Variants in PKP2 observed in about 807,000 individuals in gnomAD.
PKP2 encodes plakophilin 2, also known as plakophilin-2.
A neutral mutation model predicts 83.4 loss-of-function variants in PKP2; 73 were observed. That is an observed-to-expected ratio of 0.88 (90% CI 0.72 to 1.06). PKP2 has a LOEUF of 1.06. PKP2 is among the 50% of genes least tolerant of loss of function. PKP2 has a pLI of 0.00. For synonymous variants in PKP2, 409 were observed against 430.4 expected, an observed-to-expected ratio of 0.95 and a Z score of 0.62; for missense variants, 966 against 1,065.4, an observed-to-expected ratio of 0.91 and a Z score of 1.30.
chr12:32,865,427 T>C (rs1476335011), intron 4 of PKP2, among the ~76,000 whole-genome samples: 1 of 147,066 alleles, frequency 6.8e-6, no homozygotes, highest in Non-Finnish European at 1.5e-5. Flanking sequence ...ATGCCTGTAA[T>C]CCCAGCACTT....
Position 32,852,415 on chromosome 12 carries a change from G to A in PKP2, c.1171-1442C>T, listed in dbSNP as rs185185817. ...CCAATATTACATATTCCTTTGACAG[G>A]ATTGGAGAAAAGACTAGAAAGGCGG... On this transcript the variant is annotated intron_variant, in intron 4 of 12. Coordinates refer to ENST00000340811, the MANE Select transcript of PKP2 (RefSeq NM_001005242.3). 1.2e-3 allele frequency among the ~76,000 whole-genome samples: 185 copies of A among 152,204 alleles called. No homozygotes were observed. In the Middle Eastern group the frequency reaches 0.027, roughly 22 times the overall value.
chr12:32,878,072 G>A lies in PKP2; in HGVS notation c.808C>T (p.Gln270Ter), dbSNP rs752060568. The stretch of plus-strand genomic sequence containing the variant: ...TGCAGGGGCACCAGCGGCCTGACCT[G>A]CCCGACAGTGAGCCCTGCCGTCAGG... ...NYLTAGLTVG[Q>*]VRPLVPLQPV... The change falls in exon 3 of 13, where the codon CAG becomes TAG. Residue 270 changes from glutamine to a stop codon, truncating the protein, a stop_gained. Transcript: ENST00000340811. LOFTEE classifies it high-confidence loss of function. 1.2e-6 allele frequency: 2 copies of A among 1,613,916 alleles called. No homozygotes were observed. The highest frequency in any genetic ancestry group is 3.3e-5 in the Admixed American group (2 of 60,008).
chr12:32,818,907 T>C (rs1956345579), intron 9 of PKP2, among the ~76,000 whole-genome samples: 1 of 152,142 alleles, frequency 6.6e-6, no homozygotes, highest in Non-Finnish European at 1.5e-5. Context: ...TCACAGCATC[T>C]AAGCATACAA....
chr12:32,823,750 G>A (rs1331480479), intron 7 of PKP2, among the ~76,000 whole-genome samples: 1 of 151,794 alleles, frequency 6.6e-6, no homozygotes, highest in Non-Finnish European at 1.5e-5. Context: ...ACAGGTGCCC[G>A]CCACCACGCC....
chr12:32,865,681 C>CAAAAA (rs765071380), intron 4 of PKP2, among the ~76,000 whole-genome samples: 3 of 103,658 alleles, frequency 2.9e-5, no homozygotes, highest in East Asian at 3.1e-4. Flanking sequence ...GACTCCGTCT[C>CAAAAA]AAAAAAAAAA....
rs145987696 is a variant in PKP2, at chr12:32,862,835, C to G, written c.1170+6092G>C. On this transcript the variant is annotated intron_variant, in intron 4 of 12. Coordinates refer to ENST00000340811, the MANE Select transcript of PKP2 (RefSeq NM_001005242.3). ...CCAACATGGCAAAACCCTACCTCTA[C>G]TAAAAATACAAAAATTAGCCGGGCA... Among the ~76,000 whole-genome samples the G allele has an allele frequency of 7.4e-4, 112 of 151,420 alleles. 2 individuals carry two copies. In the East Asian group the frequency reaches 0.011, roughly 15 times the overall value.
At chr12:32,872,493 C>G (rs1309055828) in intron 3 of PKP2, among the ~76,000 whole-genome samples, 3 of 152,108 alleles carry the variant, frequency 2.0e-5, no homozygotes, top group Non-Finnish European at 2.9e-5. Context: ...GAGATCGTGC[C>G]ATTGCACTCC....
rs1460611248 is a variant in PKP2, at chr12:32,832,268, C to T, written c.1557-8106G>A. Among the ~76,000 whole-genome samples the T allele has an allele frequency of 3.9e-5, 6 of 152,054 alleles. No individual in the cohort carries two copies. In the East Asian group the frequency reaches 1.2e-3, roughly 29 times the overall value. ...TGGTGCGCACCTGTAGTCCCAGCTA[C>T]TCAGGAGGCTGAGGCAGGAGAATTA... On this transcript the variant is annotated intron_variant, in intron 6 of 12. Transcript: ENST00000340811.
At chr12:32,799,164 G>A (rs1956157068) in intron 10 of PKP2, among the ~76,000 whole-genome samples, 1 of 151,962 alleles carries the variant, frequency 6.6e-6, no homozygotes, top group Non-Finnish European at 1.5e-5. Context: ...TTTTTGATAC[G>A]CCTCATACAT....
At chr12:32,802,991 ACTAGT>A (rs1367771320) in intron 9 of PKP2, among the ~76,000 whole-genome samples, 1 of 152,154 alleles carries the variant, frequency 6.6e-6, no homozygotes, top group Non-Finnish European at 1.5e-5. Flanking sequence ...CTGTGATGGA[ACTAGT>A]CTAAAGGTAT....
At chr12:32,890,528 T>G (rs1377700105) in intron 1 of PKP2, among the ~76,000 whole-genome samples, 1 of 152,256 alleles carries the variant, frequency 6.6e-6, no homozygotes, top group Non-Finnish European at 1.5e-5. Flanking sequence ...TTTCAAATGC[T>G]TAAGTTTCTT....
In PKP2 at chr12:32,896,409, G is replaced by T. The variant is rs1343565171; in HGVS notation, c.223+100C>A. 8 of 886,892 alleles carry T rather than the reference G, an allele frequency of 9.0e-6. 1 individual carries two copies. In the East Asian group the frequency reaches 2.1e-4, roughly 23 times the overall value. The allele number at this position is 886,892 out of a possible 1,614,324, so 54.9% of individuals were successfully genotyped here. ...GGCGAGCAACAGGTGGGCAGAACAC[G>T]GGGTCCCGCACTCCCAGCACGCGGG... On this transcript the variant is annotated intron_variant, in intron 1 of 12. Transcript: ENST00000340811.
chr12:32,896,648 G>A lies in PKP2; in HGVS notation c.84C>T (p.Ser28=). 6.4e-7 allele frequency: 1 copy of A among 1,570,138 alleles called. No individual in the cohort carries two copies. The highest frequency in any genetic ancestry group is 8.6e-7 in the Non-Finnish European group (1 of 1,167,374). ...TGGCCTCGGAGGGCAGCGCCAGGCT[G>A]GAGCTGTCCAGTTGTCCCAGGATCT... The part of the protein sequence containing the change: ...GQQILGQLDS[S]SLALPSEAKL... The change falls in exon 1 of 13, where the codon TCC becomes TCT. Residue 28 remains serine (S), a synonymous_variant. Transcript: ENST00000340811.
In PKP2 at chr12:32,896,596, G is replaced by T. The variant is rs764116301; in HGVS notation, c.136C>A (p.Arg46Ser). 6.3e-7 allele frequency: 1 copy of T among 1,586,434 alleles called. No homozygotes were observed. The highest frequency in any genetic ancestry group is 2.3e-5 in the East Asian group (1 of 43,992). The stretch of plus-strand genomic sequence containing the variant: ...AGGCTCTTGACTGTCTGGCCGCCGC[G>T]GCCGCTGCTCCCCGCCAGCTTCAGC... ...AKLKLAGSSG[R>S]GGQTVKSLRI... Residue 46 changes from arginine (R) to serine (S), a missense_variant, in exon 1 of 13, where the codon CGC becomes AGC. Coordinates refer to ENST00000340811, the MANE Select transcript of PKP2 (RefSeq NM_001005242.3).
chr12:32,877,956 G>T lies in PKP2; in HGVS notation c.924C>A (p.Val308=). ...TRTLREAGPS[V]AVDSSGRRAH... is the part of the protein sequence containing the mutation. ...CTCTCCTCCCGCTGGAATCCACGGC[G>T]ACACTGGGCCCAGCTTCCCTCAGCG... Residue 308 remains valine, a synonymous_variant, in exon 3 of 13, where the codon GTC becomes GTA. Coordinates refer to ENST00000340811, the MANE Select transcript of PKP2 (RefSeq NM_001005242.3). 6.2e-7 allele frequency: 1 copy of T among 1,614,162 alleles called. No individual in the cohort carries two copies. The highest frequency in any genetic ancestry group is 8.5e-7 in the Non-Finnish European group (1 of 1,180,024).
intron 6 of PKP2, among the ~76,000 whole-genome samples, chr12:32,827,092 T>C (rs1202968416): frequency 6.6e-6 from 1 of 152,242 alleles, no homozygotes; most frequent in Non-Finnish European, 1.5e-5. Flanking sequence ...AAGTCTTTCT[T>C]CCTGGCTAAG....
intron 5 of PKP2, among the ~76,000 whole-genome samples, chr12:32,846,865 G>A (rs553073988): frequency 4.6e-5 from 7 of 151,718 alleles, no homozygotes; most frequent in African/African-American, 1.2e-4. Context: ...GAGTCATCAC[G>A]TGCCTCAAAA....
chr12:32,824,707 A>G (rs1956419295), intron 6 of PKP2, among the ~76,000 whole-genome samples: 1 of 152,266 alleles, frequency 6.6e-6, no homozygotes, highest in Non-Finnish European at 1.5e-5. Flanking sequence ...TATCATTAAA[A>G]TGGCAGAGAG....
rs1396427084 is a variant in PKP2 at position 32,827,604 on chromosome 12, C to T, written c.1557-3442G>A. 2.0e-5 allele frequency among the ~76,000 whole-genome samples: 3 copies of T among 152,092 alleles called. 1 individual carries two copies. Among genetic ancestry groups the T allele is most frequent in the Non-Finnish European group, 2.9e-5 (2 of 68,026 alleles). On this transcript the variant is annotated intron_variant, in intron 6 of 12. Coordinates refer to ENST00000340811, the MANE Select transcript of PKP2 (RefSeq NM_001005242.3). ...TAGGCAGAATTGATCTTTTTTACAA[C>T]GTATCTCTTGAATCATAAGAACTAT...
Sources: allele counts gnomAD v4.1 joint callset (sites outside exome capture counted in the v4.1 genomes callset), GRCh38; gene constraint gnomAD v4.1.1; transcripts MANE v1.5; gene names NCBI Gene and HGNC (gene_info 2026-07-23, HGNC 2026-07-21).